Variants in EXOC4 observed in about 807,000 individuals in gnomAD.
EXOC4 encodes exocyst complex component 4.
Under a neutral mutation model 107.2 loss-of-function variants are expected in EXOC4, and 71 were observed. The observed-to-expected ratio is 0.66, with a 90% CI of 0.55 to 0.81. The LOEUF (loss-of-function observed/expected upper bound fraction) is 0.81, where lower values mean the gene tolerates loss of function less well. Ranked by LOEUF, EXOC4 falls within the 30% of genes least tolerant of loss-of-function variation. The pLI, the probability that EXOC4 is intolerant of heterozygous loss-of-function variation, is 0.00. For missense variants in EXOC4, 1,108 were observed against 1,189.6 expected (o/e 0.93, Z 1.01); for synonymous variants, 456 against 441.2 (o/e 1.03, Z -0.42).
chr7:133,700,851 A>G (rs939994922), intron 10 of EXOC4, among the ~76,000 whole-genome samples: 4 of 152,146 alleles, frequency 2.6e-5, no homozygotes, highest in Admixed American at 6.5e-5. Flanking sequence ...TCTGATAGTC[A>G]GTATTAACTT....
intron 7 of EXOC4, among the ~76,000 whole-genome samples, chr7:133,398,223 T>C (rs992096278): frequency 3.3e-5 from 5 of 152,204 alleles, no homozygotes; most frequent in Non-Finnish European, 2.9e-5. Context: ...GGGGCTGTGA[T>C]GGGCTACAGC....
intron 9 of EXOC4, among the ~76,000 whole-genome samples, chr7:133,533,841 T>G (rs1297136193): frequency 6.6e-6 from 1 of 152,134 alleles, no homozygotes; most frequent in Non-Finnish European, 1.5e-5. Context: ...GAGTACAGTT[T>G]GACTCTTCTG....
At chr7:134,041,823 A>T (rs2346448) in intron 17 of EXOC4, among the ~76,000 whole-genome samples, 29,298 of 152,122 alleles carry the variant, frequency 0.19, 3,373 homozygotes, top group East Asian at 0.42. Flanking sequence ...CTGGATTTAA[A>T]GGGCTTATTC....
chr7:134,075,861 A>G, the EXOC4 span, among the ~76,000 whole-genome samples: 14,967 of 152,202 alleles, frequency 0.098, 998 homozygotes, highest in South Asian at 0.22. Context: ...CCAGATAGTG[A>G]CCACTCACTC....
intron 6 of EXOC4, among the ~76,000 whole-genome samples, chr7:133,372,220 G>C (rs1796392285): frequency 6.6e-6 from 1 of 152,150 alleles, no homozygotes; most frequent in African/African-American, 2.4e-5. Flanking sequence ...AAATTTTGGT[G>C]TCAGAGCTGT....
chr7:133,967,183 A>AT (rs1246347091), intron 14 of EXOC4, among the ~76,000 whole-genome samples: 6 of 151,976 alleles, frequency 3.9e-5, no homozygotes, highest in African/African-American at 1.5e-4. Flanking sequence ...CCCCTTTATA[A>AT]TTTTTTATTG....
chr7:133,714,880 T>C (rs1794967711), intron 10 of EXOC4, among the ~76,000 whole-genome samples: 1 of 152,170 alleles, frequency 6.6e-6, no homozygotes, highest in Non-Finnish European at 1.5e-5. Context: ...GCCTCTACTC[T>C]GCTACTGTGT....
chr7:133,638,706 A>G (rs1802774206), intron 10 of EXOC4, among the ~76,000 whole-genome samples: 1 of 151,870 alleles, frequency 6.6e-6, no homozygotes, highest in Non-Finnish European at 1.5e-5. Flanking sequence ...TAACTCTTCC[A>G]GTGACTGTTA....
intron 10 of EXOC4, among the ~76,000 whole-genome samples, chr7:133,655,882 G>T (rs889266883): frequency 6.6e-6 from 1 of 152,184 alleles, no homozygotes; most frequent in African/African-American, 2.4e-5. Flanking sequence ...ATTGTTGTTT[G>T]TTATTCGTAT....
At chr7:133,301,969 G>A (rs2150562936) in intron 3 of EXOC4, among the ~76,000 whole-genome samples, 1 of 152,236 alleles carries the variant, frequency 6.6e-6, no homozygotes, top group South Asian at 2.1e-4. Flanking sequence ...ATTATTTCCT[G>A]TATTTTACAC....
At chr7:133,442,584 T>A (rs1255244102) in intron 7 of EXOC4, among the ~76,000 whole-genome samples, 1 of 151,942 alleles carries the variant, frequency 6.6e-6, no homozygotes, top group African/African-American at 2.4e-5. Context: ...AGAGAAGAGC[T>A]TGTGGGGTGG....
intron 10 of EXOC4, among the ~76,000 whole-genome samples, chr7:133,809,212 C>T (rs1052389034): frequency 6.6e-6 from 1 of 152,204 alleles, no homozygotes; most frequent in African/African-American, 2.4e-5. Flanking sequence ...TTGTAGCACA[C>T]GTAATTCATT....
intron 9 of EXOC4, among the ~76,000 whole-genome samples, chr7:133,598,923 G>A (rs1801743976): frequency 6.6e-6 from 1 of 152,150 alleles, no homozygotes; most frequent in African/African-American, 2.4e-5. Context: ...GGCACAGGTT[G>A]CAGTGAGCCA....
In EXOC4 at chr7:133,373,036, T is replaced by A. The variant is rs113983623; in HGVS notation, c.1008-1792T>A. On this transcript the variant is annotated intron_variant, in intron 6 of 17. Transcript: ENST00000253861. ...CATATTACAGTCTGTAGATTCATATTTGAGAACTACAGTCTTACATACCTA... is the reference window on the plus strand; with the variant it reads ...CATATTACAGTCTGTAGATTCATATATGAGAACTACAGTCTTACATACCTA... Among the ~76,000 whole-genome samples, 252 of 152,326 alleles carry A rather than the reference T, an allele frequency of 1.7e-3. 1 individual carries two copies. Among genetic ancestry groups the A allele is most frequent in the African/African-American group, 5.9e-3 (244 of 41,578 alleles).
intron 7 of EXOC4, among the ~76,000 whole-genome samples, chr7:133,386,542 C>T (rs1796730747): frequency 6.6e-6 from 1 of 152,116 alleles, no homozygotes; most frequent in Admixed American, 6.5e-5. Flanking sequence ...AGCAATCCTT[C>T]ACCACTTTAG....
chr7:133,948,153 A>G (rs879741496), intron 14 of EXOC4, among the ~76,000 whole-genome samples: 1 of 152,190 alleles, frequency 6.6e-6, no homozygotes, highest in Non-Finnish European at 1.5e-5. Flanking sequence ...AGTTCCAATG[A>G]GGAGCAGTGG....
At chr7:133,283,575 T>G (rs911559906) in intron 2 of EXOC4, among the ~76,000 whole-genome samples, 4 of 152,208 alleles carry the variant, frequency 2.6e-5, no homozygotes, top group Non-Finnish European at 4.4e-5. Flanking sequence ...ATTTTTTAAT[T>G]TTTTGAGGAA....
chr7:133,899,613 T>G (rs1799404480), intron 12 of EXOC4, among the ~76,000 whole-genome samples: 1 of 152,216 alleles, frequency 6.6e-6, no homozygotes, highest in Non-Finnish European at 1.5e-5. Flanking sequence ...CTCCTTAAAC[T>G]GAACATTCCC....
At chr7:133,993,855 A>G (rs1794316255) in intron 14 of EXOC4, among the ~76,000 whole-genome samples, 1 of 152,216 alleles carries the variant, frequency 6.6e-6, no homozygotes, top group African/African-American at 2.4e-5. Context: ...AGACTTCCCA[A>G]AAGCCACAAA....
Sources: gnomAD v4.1 joint callset for allele counts (sites outside exome capture counted in the v4.1 genomes callset) on GRCh38, gnomAD v4.1.1 for gene constraint, MANE v1.5 for transcripts, NCBI Gene and HGNC (gene_info 2026-07-23, HGNC 2026-07-21) for gene names.